The following FRRS1L variants were observed in gnomAD, a reference collection of about 807,000 sequenced individuals.
FRRS1L encodes the protein DOMON domain-containing protein FRRS1L.
Under a neutral mutation model 28.6 loss-of-function variants are expected in FRRS1L, and 22 were observed. The observed-to-expected ratio is 0.77, with a 90% confidence interval of 0.55 to 1.10. The LOEUF is 1.10. Among genes scored for constraint, FRRS1L ranks in the 50% least tolerant of loss-of-function variants. The pLI, the probability that FRRS1L is intolerant of heterozygous loss-of-function variation, is 0.00. For synonymous variants in FRRS1L, 158 were observed against 151.4 expected, an observed-to-expected ratio of 1.04 and a Z score of -0.32; for missense variants, 380 against 386.9, an observed-to-expected ratio of 0.98 and a Z score of 0.15.
At chr9:109,157,483 C>A (rs865834228) in intron 1 of FRRS1L, among the ~76,000 whole-genome samples, 75 of 152,264 alleles carry the variant, frequency 4.9e-4, no homozygotes, top group African/African-American at 1.8e-3. Flanking sequence ...AATTCCTGGA[C>A]TCAAGCCATC....
rs746980642 is a variant in FRRS1L at position 109,141,505 on chromosome 9, T to C, written c.547A>G (p.Lys183Glu). Reference protein sequence around the residue: ...QHFYNVGQWAKEIQRNPARDE... With the variant: ...QHFYNVGQWAEEIQRNPARDE... ...CTGGCAGGGTTTCTCTGAATCTCCTTTGCCCACTGGCCTACATTATAGAAG... is the reference window on the plus strand; with the variant it reads ...CTGGCAGGGTTTCTCTGAATCTCCTCTGCCCACTGGCCTACATTATAGAAG... The change falls in exon 4 of 5, where the codon AAG (lysine) becomes GAG (glutamate). Residue 183 changes from lysine to glutamate, a missense_variant. By Grantham distance (56) the Lys-to-Glu change is moderately conservative. Transcript: ENST00000561981. 4.3e-6 allele frequency: 7 copies of C among 1,614,178 alleles called. No individual in the cohort carries two copies. The South Asian group carries it at 7.7e-5, about 18-fold the overall frequency.
intron 1 of FRRS1L, among the ~76,000 whole-genome samples, chr9:109,158,534 T>C (rs1444489365): frequency 6.6e-6 from 1 of 152,194 alleles, no homozygotes; most frequent in Non-Finnish European, 1.5e-5. Context: ...GAATCCACTT[T>C]CTACCTCTAT....
chr9:109,148,214 C>G (rs1831288259), intron 2 of FRRS1L: 1 of 152,158 alleles, frequency 6.6e-6, no homozygotes, highest in South Asian at 2.1e-4. Flanking sequence ...GGTGATCCAC[C>G]CACCTCAGCC....
At chr9:109,145,039 C>G (rs1462694949) in intron 3 of FRRS1L, among the ~76,000 whole-genome samples, 1 of 152,178 alleles carries the variant, frequency 6.6e-6, no homozygotes, top group Non-Finnish European at 1.5e-5. Context: ...CCCTGTAGCC[C>G]CACACAAGCC....
In FRRS1L at chr9:109,133,817, A is replaced by T. The variant is rs1396420103; in HGVS notation, c.*3638T>A. ...ACACTGGTTGGGCATCTCCTCTGTG[A>T]CAAGTAGTATATTAGAAAATGGGAA... On this transcript the variant is annotated 3_prime_UTR_variant, in exon 5 of 5. Transcript: ENST00000561981. 1 of 152,244 alleles carries T rather than the reference A, an allele frequency of 6.6e-6. No homozygotes were observed. Among genetic ancestry groups the T allele is most frequent in the African/African-American group, 2.4e-5 (1 of 41,466 alleles). The allele number at this position is 152,244 out of a possible 1,614,324, so 9.4% of individuals were successfully genotyped here. A position where few individuals can be genotyped will look rare whatever the true frequency, so the allele number is the denominator to read the frequency against.
At chr9:109,143,057 G>A (rs1213705259) in intron 3 of FRRS1L, among the ~76,000 whole-genome samples, 2 of 152,040 alleles carry the variant, frequency 1.3e-5, no homozygotes, top group African/African-American at 2.4e-5. Flanking sequence ...GATGGCTCAC[G>A]CCTATAATCC....
intron 1 of FRRS1L, among the ~76,000 whole-genome samples, chr9:109,154,956 A>G (rs755613527): frequency 2.4e-4 from 37 of 152,206 alleles, no homozygotes; most frequent in South Asian, 6.2e-4. Flanking sequence ...AGTTTTTCAT[A>G]TTCCCAAGAT....
At chr9:109,149,575 ACT>A in intron 2 of FRRS1L, 59 bp downstream of exon 2, 1 of 1,123,448 alleles carries the variant, frequency 8.9e-7, no homozygotes, top group Non-Finnish European at 1.3e-6. Context: ...CAATTTAAAT[ACT>A]ACCCTGAGAA....
At chr9:109,152,101 A>G (rs189252089) in intron 1 of FRRS1L, 1 of 152,202 alleles carries the variant, frequency 6.6e-6, no homozygotes, top group African/African-American at 2.4e-5. Flanking sequence ...GTTAGCATAC[A>G]GCAGATTTCC....
intron 1 of FRRS1L, among the ~76,000 whole-genome samples, chr9:109,153,322 C>T (rs771709788): frequency 6.6e-6 from 1 of 152,084 alleles, no homozygotes; most frequent in Non-Finnish European, 1.5e-5. Flanking sequence ...AACCATGTGG[C>T]CAAATGATTA....
intron 1 of FRRS1L, among the ~76,000 whole-genome samples, chr9:109,154,837 G>A (rs879358549): frequency 2.6e-5 from 4 of 152,184 alleles, no homozygotes; most frequent in Non-Finnish European, 5.9e-5. Context: ...ACACATTAGC[G>A]ATAATGGATA....
chr9:109,142,412 A>G (rs1831199446), intron 3 of FRRS1L, among the ~76,000 whole-genome samples: 1 of 152,186 alleles, frequency 6.6e-6, no homozygotes, highest in African/African-American at 2.4e-5. Context: ...CAGAACACTG[A>G]ATGTGGTTGA....
intron 1 of FRRS1L, among the ~76,000 whole-genome samples, chr9:109,165,133 G>C (rs961499926): frequency 3.3e-5 from 5 of 152,226 alleles, no homozygotes; most frequent in African/African-American, 1.2e-4. Flanking sequence ...AGATACATTA[G>C]ATGCTTTCAG....
At chr9:109,150,881 G>A (rs1232320223) in intron 1 of FRRS1L, 1 of 152,110 alleles carries the variant, frequency 6.6e-6, no homozygotes, top group Non-Finnish European at 1.5e-5. Context: ...GATTGTCAAA[G>A]GAATAAATAA....
rs1229560355 is a variant in FRRS1L, at chr9:109,160,601, T to C, written c.238+6300A>G. On this transcript the variant is annotated intron_variant, in intron 1 of 4. Coordinates refer to ENST00000561981, the MANE Select transcript of FRRS1L (RefSeq NM_014334.4). ...TGGGGTATCACTTTCTTGCCCAAGC[T>C]GATCTCAAACTCCTGGGCTCCTCTC... Among the ~76,000 whole-genome samples, 4 of 152,090 alleles carry C rather than the reference T, an allele frequency of 2.6e-5. No individual in the cohort carries two copies. The East Asian group carries it at 7.8e-4, about 29-fold the overall frequency.
Position 109,135,759 on chromosome 9 carries a change from G to A in FRRS1L, c.*1696C>T, listed in dbSNP as rs1298002759. The A allele has an allele frequency of 1.3e-5, 2 of 151,888 alleles. No homozygotes were observed. Among genetic ancestry groups the A allele is most frequent in the African/African-American group, 4.8e-5 (2 of 41,348 alleles). The allele number at this position is 151,888 out of a possible 1,614,324, so 9.4% of individuals were successfully genotyped here. A position where few individuals can be genotyped will look rare whatever the true frequency, so the allele number is the denominator to read the frequency against. On this transcript the variant is annotated 3_prime_UTR_variant, in exon 5 of 5. Transcript: ENST00000561981. ...AGCCACCGCGCTCAGCCACAAGTCT[G>A]AACATTTAAATGGATATTCTAGGTG...
chr9:109,141,344 C>A lies in FRRS1L; in HGVS notation c.708G>T (p.Gln236His), dbSNP rs1381027576. Residue 236 changes from glutamine to histidine, a missense_variant and splice_region_variant, in exon 4 of 5, where the codon CAG becomes CAT. By Grantham distance (24) the Gln-to-His change is conservative (BLOSUM62 0). Coordinates refer to ENST00000561981, the MANE Select transcript of FRRS1L (RefSeq NM_014334.4). ...CCAGATGCTGAAATGTAAGCTTACCCTGAATGGCTGGACCCCAAGCAAACA... is the reference window on the plus strand; with the variant it reads ...CCAGATGCTGAAATGTAAGCTTACCATGAATGGCTGGACCCCAAGCAAACA... ...YYLFAWGPAI[Q>H]GSITRHDIDS... 3.1e-6 allele frequency: 5 copies of A among 1,613,934 alleles called. No homozygotes were observed. The Admixed American group carries it at 8.3e-5, about 27-fold the overall frequency.
intron 4 of FRRS1L, chr9:109,139,194 G>A (rs939723539): frequency 7.3e-5 from 11 of 150,194 alleles, no homozygotes; most frequent in Non-Finnish European, 1.5e-4. Context: ...GTGAGACTCC[G>A]TTTAAAAAAA....
chr9:109,146,999 G>C, intron 3 of FRRS1L, 52 bp downstream of exon 3: 1 of 1,540,490 alleles, frequency 6.5e-7, no homozygotes, highest in Admixed American at 1.7e-5. Context: ...AATCAAAATA[G>C]CACAGCCAAC....
Sources: gnomAD v4.1 joint callset for allele counts (sites outside exome capture counted in the v4.1 genomes callset) on GRCh38, gnomAD v4.1.1 for gene constraint, MANE v1.5 for transcripts, NCBI Gene and HGNC (gene_info 2026-07-23, HGNC 2026-07-21) for gene names.